SLC6A11: variants seen among roughly 807,000 people sequenced by gnomAD.
The protein encoded by SLC6A11 is solute carrier family 6 member 11.
In SLC6A11, 25 loss-of-function variants were observed where a neutral mutation model predicts 74.8. That is an observed-to-expected ratio of 0.33 (90% CI 0.24 to 0.47). SLC6A11 has a LOEUF of 0.47. SLC6A11 is among the 20% of genes least tolerant of loss of function. The pLI is 1.00. For synonymous variants in SLC6A11, 330 were observed against 330.2 expected (o/e 1.00, Z 0.01); for missense variants, 574 against 837.0 (o/e 0.69, Z 3.88).
chr3:10,913,232 T>G lies in SLC6A11; in HGVS notation c.995+1039T>G, dbSNP rs148010232. ...CTATAAGTAGGAATGAAATACTGAT[T>G]TCAGAATGGGAAAAGATGTAGAAAA... On this transcript the variant is annotated intron_variant, in intron 7 of 13. Coordinates refer to ENST00000254488, the MANE Select transcript of SLC6A11 (RefSeq NM_014229.3). 3.3e-3 allele frequency among the ~76,000 whole-genome samples: 508 copies of G among 152,194 alleles called. 3 individuals carry two copies. Among genetic ancestry groups the G allele is most frequent in the Non-Finnish European group, 5.8e-3 (393 of 68,014 alleles).
intron 4 of SLC6A11, among the ~76,000 whole-genome samples, chr3:10,842,989 G>A (rs1223378416): frequency 6.6e-6 from 1 of 152,122 alleles, no homozygotes; most frequent in Admixed American, 6.5e-5. Context: ...GGTGGGATGG[G>A]AGCTCCTTTC....
chr3:10,840,117 T>C (rs1694418710), intron 4 of SLC6A11, among the ~76,000 whole-genome samples: 1 of 152,190 alleles, frequency 6.6e-6, no homozygotes, highest in Admixed American at 6.5e-5. Flanking sequence ...CCTAGGCTTC[T>C]GTCATCCACA....
chr3:10,903,165 C>T (rs915143425), intron 6 of SLC6A11, among the ~76,000 whole-genome samples: 1 of 152,136 alleles, frequency 6.6e-6, no homozygotes, highest in African/African-American at 2.4e-5. Flanking sequence ...CAAGCCAATT[C>T]GAGGACATAG....
At chr3:10,929,181 C>A (rs759477227) in intron 9 of SLC6A11, 21 bp from the exon 10 acceptor site, 2 of 1,612,552 alleles carry the variant, frequency 1.2e-6, no homozygotes, top group Non-Finnish European at 1.7e-6. Context: ...GAGTTTCACA[C>A]CATCATATCT....
At chr3:10,860,888 T>C (rs1694695160) in intron 5 of SLC6A11, among the ~76,000 whole-genome samples, 1 of 152,218 alleles carries the variant, frequency 6.6e-6, no homozygotes, top group African/African-American at 2.4e-5. Flanking sequence ...TAGGTCTTCA[T>C]AGGAAATCCA....
At chr3:10,912,308 A>G in intron 7 of SLC6A11, 115 bp downstream of exon 7, 1 of 735,116 alleles carries the variant, frequency 1.4e-6, no homozygotes, top group South Asian at 1.6e-5. Context: ...GGAGATAGAT[A>G]GGCTGTTTGT....
chr3:10,921,905 G>C (rs1438351560), intron 8 of SLC6A11, among the ~76,000 whole-genome samples: 1 of 152,168 alleles, frequency 6.6e-6, no homozygotes, highest in Non-Finnish European at 1.5e-5. Flanking sequence ...ATTGATAAAA[G>C]GGGCAATTCA....
intron 5 of SLC6A11, among the ~76,000 whole-genome samples, chr3:10,860,205 C>T (rs1694686825): frequency 6.6e-6 from 1 of 152,200 alleles, no homozygotes; most frequent in Non-Finnish European, 1.5e-5. Context: ...AAATCTCACA[C>T]AGCAATTGAC....
chr3:10,838,496 C>G (rs1694396048), intron 4 of SLC6A11, among the ~76,000 whole-genome samples: 1 of 152,202 alleles, frequency 6.6e-6, no homozygotes, highest in South Asian at 2.1e-4. Context: ...CACTTGTAAT[C>G]TCAGCACTTT....
chr3:10,818,483 A>T (rs1041221509), intron 1 of SLC6A11, among the ~76,000 whole-genome samples: 1 of 152,228 alleles, frequency 6.6e-6, no homozygotes, highest in Admixed American at 6.5e-5. Context: ...TTCTTTCCCA[A>T]TATGAAACTT....
chr3:10,858,925 G>A (rs1694669859), intron 5 of SLC6A11, among the ~76,000 whole-genome samples: 1 of 152,186 alleles, frequency 6.6e-6, no homozygotes, highest in African/African-American at 2.4e-5. Flanking sequence ...GGAAAGGAAT[G>A]GAACAAGTTC....
Position 10,939,320 on chromosome 3 carries a change from G to C in SLC6A11, c.*918G>C, listed in dbSNP as rs1332158373. 2.0e-5 allele frequency: 3 copies of C among 152,268 alleles called. No homozygotes were observed. Among genetic ancestry groups the C allele is most frequent in the Admixed American group, 6.5e-5 (1 of 15,278 alleles). 9.4% of individuals were successfully genotyped at this position (152,268 alleles called of 1,614,324 possible). A position where few individuals can be genotyped will look rare whatever the true frequency, so the allele number is the denominator to read the frequency against. ...CAGCCCCCATGGCAGGGGCTCCTCT[G>C]TCTGGCCTGCCTTTTTTTCCTGGTC... On this transcript the variant is annotated 3_prime_UTR_variant, in exon 14 of 14. Transcript: ENST00000254488.
chr3:10,818,847 T>G (rs1694098937), intron 1 of SLC6A11, among the ~76,000 whole-genome samples: 1 of 152,246 alleles, frequency 6.6e-6, no homozygotes, highest in African/African-American at 2.4e-5. Context: ...TGGTGGTCTT[T>G]TCCTGGACCA....
intron 3 of SLC6A11, among the ~76,000 whole-genome samples, chr3:10,822,471 G>A (rs1470089093): frequency 6.6e-6 from 1 of 152,154 alleles, no homozygotes; most frequent in Non-Finnish European, 1.5e-5. Context: ...GGAGGAAGAG[G>A]GTATAGGTGG....
intron 6 of SLC6A11, among the ~76,000 whole-genome samples, chr3:10,901,596 A>G (rs561413006): frequency 1.3e-5 from 2 of 152,012 alleles, no homozygotes; most frequent in East Asian, 3.9e-4. Flanking sequence ...CCTTCCCACC[A>G]CTGTTCCCAC....
chr3:10,847,876 C>T (rs915187721), intron 5 of SLC6A11, among the ~76,000 whole-genome samples: 1 of 152,128 alleles, frequency 6.6e-6, no homozygotes, highest in African/African-American at 2.4e-5. Flanking sequence ...TGAAACTTCC[C>T]ACGTGGGCAG....
In SLC6A11 at chr3:10,918,720, C is replaced by T. The variant is rs1026990154; in HGVS notation, c.1120+267C>T. ...TCATTTCTCCCAAGCTTCACCGTCT[C>T]CCCACTAGCCCGGACCACCATCACT... On this transcript the variant is annotated intron_variant, in intron 8 of 13. Coordinates refer to ENST00000254488, the MANE Select transcript of SLC6A11 (RefSeq NM_014229.3). This position sits in a 1 kb window ranked among gnomAD's most constrained non-coding sequence, Gnocchi z 4.5. Among the ~76,000 whole-genome samples the T allele has an allele frequency of 6.6e-6, 1 of 152,158 alleles. No individual in the cohort carries two copies. Among genetic ancestry groups the T allele is most frequent in the Middle Eastern group, 3.2e-3 (1 of 314 alleles).
chr3:10,938,360 C>G lies in SLC6A11; in HGVS notation c.1857C>G (p.Asp619Glu), dbSNP rs745350953. 6.2e-7 allele frequency: 1 copy of G among 1,611,398 alleles called. No homozygotes were observed. The highest frequency in any genetic ancestry group is 8.5e-7 in the Non-Finnish European group (1 of 1,177,890). Residue 619 changes from aspartate (D) to glutamate (E), a missense_variant, in exon 14 of 14, where the codon GAC becomes GAG. Physicochemically the swap from Asp to Glu is conservative, Grantham distance 45 (BLOSUM62 2). Transcript: ENST00000254488. ...VNDCDAKLKS[D>E]GTIAAITEKE... Reference sequence around the variant, plus strand: ...ACTGTGATGCCAAACTCAAGAGTGACGGGACCATCGCAGCCATCACAGAGA... The same window carrying G: ...ACTGTGATGCCAAACTCAAGAGTGAGGGGACCATCGCAGCCATCACAGAGA...
intron 9 of SLC6A11, 106 bp from the exon 10 acceptor site, chr3:10,929,096 G>A (rs1695648485): frequency 8.6e-7 from 1 of 1,166,766 alleles, no homozygotes; most frequent in Non-Finnish European, 1.2e-6. Context: ...AATGGGTGTG[G>A]GAATGAAGGA....
Sources: allele counts gnomAD v4.1 joint callset (sites outside exome capture counted in the v4.1 genomes callset), GRCh38; gene constraint gnomAD v4.1.1; non-coding constraint Gnocchi (gnomAD v3.1); transcripts MANE v1.5; gene names NCBI Gene and HGNC (gene_info 2026-07-23, HGNC 2026-07-21).